Variants in ARHGAP15 observed in about 807,000 individuals in gnomAD.
ARHGAP15 encodes Rho GTPase activating protein 15.
Under a neutral mutation model 63.7 loss-of-function variants are expected in ARHGAP15, and 51 were observed. The ratio of observed to expected loss-of-function variants is 0.80; its 90% CI spans 0.64 to 1.01. ARHGAP15 has a LOEUF of 1.01. Ranked by LOEUF, ARHGAP15 falls within the 50% of genes least tolerant of loss-of-function variation. The pLI, the probability that ARHGAP15 is intolerant of heterozygous loss-of-function variation, is 0.00. For synonymous variants in ARHGAP15, 191 were observed against 193.8 expected (o/e 0.99, Z 0.12); for missense variants, 560 against 564.6 (o/e 0.99, Z 0.08).
At chr2:143,378,960 AG>A (rs1686931653) in intron 6 of ARHGAP15, among the ~76,000 whole-genome samples, 1 of 151,938 alleles carries the variant, frequency 6.6e-6, no homozygotes. Context: ...GGAACCAATA[AG>A]GTTTTTTTTA....
At chr2:143,370,954 C>A (rs906983375) in intron 6 of ARHGAP15, among the ~76,000 whole-genome samples, 1 of 152,130 alleles carries the variant, frequency 6.6e-6, no homozygotes, top group East Asian at 1.9e-4. Context: ...TCCTTTGAGA[C>A]CACTTGGACC....
chr2:143,288,610 T>A (rs900028150), intron 6 of ARHGAP15, among the ~76,000 whole-genome samples: 4 of 132,080 alleles, frequency 3.0e-5, no homozygotes, highest in African/African-American at 1.1e-4. Context: ...TTCCCTTAGA[T>A]TCCTCGGGAC....
At chr2:143,379,149 T>C (rs1002637663) in intron 6 of ARHGAP15, among the ~76,000 whole-genome samples, 2 of 151,988 alleles carry the variant, frequency 1.3e-5, no homozygotes, top group Non-Finnish European at 2.9e-5. Context: ...TTGTCTCAAG[T>C]GCATGCATAC....
intron 1 of ARHGAP15, among the ~76,000 whole-genome samples, chr2:143,143,724 A>G (rs1689469665): frequency 6.6e-6 from 1 of 152,020 alleles, no homozygotes; most frequent in South Asian, 2.1e-4. Flanking sequence ...CCTACTGCAA[A>G]AGCAATGGAA....
At chr2:143,396,172 A>C (rs1370674135) in intron 6 of ARHGAP15, among the ~76,000 whole-genome samples, 1 of 152,184 alleles carries the variant, frequency 6.6e-6, no homozygotes, top group Non-Finnish European at 1.5e-5. Flanking sequence ...AAAACGAGGT[A>C]AAAGGATTCT....
intron 3 of ARHGAP15, among the ~76,000 whole-genome samples, chr2:143,205,645 A>G (rs947894262): frequency 6.6e-5 from 10 of 152,118 alleles, no homozygotes; most frequent in Admixed American, 5.2e-4. Flanking sequence ...TGTCATCTCT[A>G]TCATCACAGA....
chr2:143,470,649 GTATA>G (rs1052802264), intron 8 of ARHGAP15, among the ~76,000 whole-genome samples: 1 of 129,954 alleles, frequency 7.7e-6, no homozygotes, highest in African/African-American at 2.6e-5. Flanking sequence ...ATATGTGTGT[GTATA>G]TATATACATG....
chr2:143,400,132 A>G (rs1319512648), intron 6 of ARHGAP15, among the ~76,000 whole-genome samples: 1 of 151,928 alleles, frequency 6.6e-6, no homozygotes, highest in Non-Finnish European at 1.5e-5. Context: ...AATATAAACA[A>G]TGAGATGAAT....
At chr2:143,755,595 G>A (rs1185445794) in intron 13 of ARHGAP15, among the ~76,000 whole-genome samples, 1 of 151,970 alleles carries the variant, frequency 6.6e-6, no homozygotes, top group Non-Finnish European at 1.5e-5. Flanking sequence ...CAGTTCCTGC[G>A]CTCTTCCATT....
intron 8 of ARHGAP15, among the ~76,000 whole-genome samples, chr2:143,470,981 G>A (rs147413185): frequency 3.6e-5 from 5 of 138,506 alleles, no homozygotes; most frequent in South Asian, 4.6e-4. Flanking sequence ...ACATACACAC[G>A]TGTATCATAT....
At chr2:143,474,816 T>C (rs1418454508) in intron 8 of ARHGAP15, among the ~76,000 whole-genome samples, 1 of 152,246 alleles carries the variant, frequency 6.6e-6, no homozygotes, top group African/African-American at 2.4e-5. Context: ...AGAATGGGGT[T>C]ATCTGACGGT....
At chr2:143,555,040 G>A (rs557163427) in intron 10 of ARHGAP15, among the ~76,000 whole-genome samples, 1 of 152,124 alleles carries the variant, frequency 6.6e-6, no homozygotes, top group East Asian at 1.9e-4. Flanking sequence ...TTTGTTAATA[G>A]CTATTCCATT....
chr2:143,196,665 G>C (rs182671261), intron 2 of ARHGAP15, among the ~76,000 whole-genome samples: 1 of 151,848 alleles, frequency 6.6e-6, no homozygotes. Context: ...GGGAATTTTA[G>C]CATGATATTG....
intron 10 of ARHGAP15, among the ~76,000 whole-genome samples, chr2:143,535,594 C>T (rs7583825): frequency 0.48 from 73,421 of 152,022 alleles, 18,195 homozygotes; most frequent in African/African-American, 0.58. Flanking sequence ...TATTAACTTA[C>T]GTTGGGAACC....
intron 6 of ARHGAP15, among the ~76,000 whole-genome samples, chr2:143,377,788 T>C (rs978605296): frequency 1.3e-5 from 2 of 152,106 alleles, no homozygotes; most frequent in Non-Finnish European, 2.9e-5. Context: ...CCTGATTGAG[T>C]ATACATCAGT....
At chr2:143,468,782 A>G (rs534908991) in intron 8 of ARHGAP15, among the ~76,000 whole-genome samples, 9 of 152,228 alleles carry the variant, frequency 5.9e-5, no homozygotes, top group African/African-American at 2.2e-4. Context: ...GCATACAAGT[A>G]AAATCAGTAG....
chr2:143,637,317 A>ATAG (rs1680369775), intron 12 of ARHGAP15, among the ~76,000 whole-genome samples: 1 of 152,072 alleles, frequency 6.6e-6, no homozygotes, highest in African/African-American at 2.4e-5. Context: ...TTCCTTATTA[A>ATAG]TATTATACTA....
intron 2 of ARHGAP15, among the ~76,000 whole-genome samples, chr2:143,198,492 A>G (rs1013523724): frequency 6.6e-6 from 1 of 152,036 alleles, no homozygotes; most frequent in African/African-American, 2.4e-5. Context: ...TTAAAATAAA[A>G]TATATTCATA....
chr2:143,290,534 C>G (rs1167777177), intron 6 of ARHGAP15, among the ~76,000 whole-genome samples: 2 of 152,018 alleles, frequency 1.3e-5, no homozygotes, highest in Non-Finnish European at 2.9e-5. Flanking sequence ...AACCAGAAAT[C>G]TGGATTTTCA....
Sources: gnomAD v4.1 joint callset for allele counts (sites outside exome capture counted in the v4.1 genomes callset) on GRCh38, gnomAD v4.1.1 for gene constraint, MANE v1.5 for transcripts, NCBI Gene and HGNC (gene_info 2026-07-23, HGNC 2026-07-21) for gene names.